Variants in NCOA3 observed in about 807,000 individuals in gnomAD.
NCOA3 encodes nuclear receptor coactivator 3.
Under a neutral mutation model 158.8 loss-of-function variants are expected in NCOA3, and 51 were observed. The ratio of observed to expected loss-of-function variants is 0.32; its 90% CI spans 0.26 to 0.41. The LOEUF (loss-of-function observed/expected upper bound fraction) is 0.41. Ranked by LOEUF, NCOA3 falls within the 10% of genes least tolerant of loss-of-function variation. The pLI is 1.00. For missense variants in NCOA3, 1,510 were observed against 1,746.6 expected (o/e 0.86, Z 2.41); for synonymous variants, 537 against 592.4 (o/e 0.91, Z 1.36).
rs972236713 is a variant in NCOA3, at chr20:47,636,319, A to G, written c.1933A>G (p.Ser645Gly). ...SSLTNSPLDS[S>G]CKESSVSVTS... is the part of the protein sequence containing the mutation. ...CTTGACCAACTCCCCCCTAGATTCA[A>G]GTTGTAAAGAATCTTCTGTTAGTGT... The change falls in exon 12 of 23, where the codon AGT becomes GGT. Residue 645 changes from serine (S) to glycine (G), a missense_variant. This residue lies in a region of NCOA3 where 1,017 missense variants were observed against 1,098.3 expected (regional missense o/e 0.93). Coordinates refer to ENST00000371998, the MANE Select transcript of NCOA3 (RefSeq NM_181659.3). The G allele has an allele frequency of 8.1e-6, 13 of 1,613,992 alleles. No individual in the cohort carries two copies. In the Admixed American group the frequency reaches 1.2e-4, roughly 14 times the overall value.
At position 47,627,853 on chromosome 20, in the gene NCOA3, G is replaced by A. The variant is rs966068397; in HGVS notation, c.722-69G>A. On this transcript the variant is annotated intron_variant, in intron 7 of 22. Transcript: ENST00000371998. ...CCTTCTTACTGAATTCCATGTCTTT[G>A]CTTGCCTATTGAACATATATATCCA... 4 of 1,571,920 alleles carry A rather than the reference G, an allele frequency of 2.5e-6. No individual in the cohort carries two copies. In the African/African-American group the frequency reaches 5.4e-5, roughly 21 times the overall value.
Position 47,651,041 on chromosome 20 carries a change from C to A in NCOA3, c.3711C>A (p.His1237Gln), listed in dbSNP as rs2086779337. Residue 1237 changes from histidine to glutamine, a missense_variant, in exon 20 of 23, where the codon CAC (histidine) becomes CAA (glutamine). Around this residue, in one of 4 missense-constraint regions of NCOA3, gnomAD observed 1,017 missense variants for 1,098.3 expected, o/e 0.93. Transcript: ENST00000371998. ...GCAGCAGAGAGCTGCTAAGTCATCA[C>A]TTCCGACAACAGAGGGTGGCTATGA... The part of the protein sequence containing the change: ...AQRSRELLSH[H>Q]FRQQRVAMMM... 1.9e-6 allele frequency: 3 copies of A among 1,614,060 alleles called. No homozygotes were observed. The highest frequency in any genetic ancestry group is 1.1e-5 in the South Asian group (1 of 91,062).
chr20:47,571,253 C>T (rs575256397), intron 1 of NCOA3, among the ~76,000 whole-genome samples: 1 of 151,906 alleles, frequency 6.6e-6, no homozygotes, highest in African/African-American at 2.4e-5. Flanking sequence ...GATCCACTCA[C>T]TTCAGCCTCC....
At chr20:47,534,456 G>A (rs1034907138) in intron 1 of NCOA3, among the ~76,000 whole-genome samples, 2 of 152,070 alleles carry the variant, frequency 1.3e-5, no homozygotes, top group Non-Finnish European at 2.9e-5. Context: ...TCCTTTTACT[G>A]GATCATGCTG....
At chr20:47,504,858 AT>A (rs976659202) in intron 1 of NCOA3, among the ~76,000 whole-genome samples, 1 of 151,898 alleles carries the variant, frequency 6.6e-6, no homozygotes, top group Non-Finnish European at 1.5e-5. Flanking sequence ...GGAATAATTC[AT>A]TTTAACTTGG....
chr20:47,616,159 C>CA (rs1466449058), intron 2 of NCOA3, among the ~76,000 whole-genome samples: 1 of 138,918 alleles, frequency 7.2e-6, no homozygotes, highest in African/African-American at 2.6e-5. Context: ...CCCGCCCCGC[C>CA]AAAAAAAAGT....
chr20:47,514,320 T>C (rs1426671244), intron 1 of NCOA3, among the ~76,000 whole-genome samples: 1 of 152,140 alleles, frequency 6.6e-6, no homozygotes, highest in Non-Finnish European at 1.5e-5. Context: ...TTTCTACATA[T>C]CACAACAGTC....
chr20:47,622,764 G>A (rs1172821619), intron 3 of NCOA3, among the ~76,000 whole-genome samples: 2 of 152,216 alleles, frequency 1.3e-5, no homozygotes, highest in East Asian at 1.9e-4. Flanking sequence ...GATAGGCAGT[G>A]AGTTAGGAGC....
intron 1 of NCOA3, among the ~76,000 whole-genome samples, chr20:47,551,936 G>A (rs1344920570): frequency 6.6e-6 from 1 of 152,124 alleles, no homozygotes; most frequent in Non-Finnish European, 1.5e-5. Context: ...TAATTTTACT[G>A]TTGTTTTTTG....
At chr20:47,550,172 C>T (rs936848129) in intron 1 of NCOA3, among the ~76,000 whole-genome samples, 4 of 150,212 alleles carry the variant, frequency 2.7e-5, no homozygotes, top group African/African-American at 4.9e-5. Flanking sequence ...AGTCCAGGCG[C>T]GGTGGCTCAC....
chr20:47,647,406 G>T, intron 18 of NCOA3, 40 bp downstream of exon 18: 1 of 1,575,082 alleles, frequency 6.3e-7, no homozygotes, highest in Non-Finnish European at 8.7e-7. Context: ...TTCTCCTTCT[G>T]TTGTTTTCAG....
At chr20:47,569,240 G>C (rs534927867) in intron 1 of NCOA3, among the ~76,000 whole-genome samples, 3 of 152,086 alleles carry the variant, frequency 2.0e-5, no homozygotes, top group African/African-American at 7.2e-5. Flanking sequence ...CCAGCTACTC[G>C]GGAGGCTGAG....
At chr20:47,601,892 A>T (rs888119431) in intron 2 of NCOA3, among the ~76,000 whole-genome samples, 5 of 152,212 alleles carry the variant, frequency 3.3e-5, no homozygotes, top group Non-Finnish European at 5.9e-5. Context: ...GACATTTATC[A>T]AGGATAACAG....
chr20:47,607,416 A>G (rs2085964858), intron 2 of NCOA3, among the ~76,000 whole-genome samples: 1 of 152,218 alleles, frequency 6.6e-6, no homozygotes, highest in African/African-American at 2.4e-5. Context: ...CTGTATAACA[A>G]GCCTTACTGT....
chr20:47,602,057 A>G (rs2085873258), intron 2 of NCOA3, among the ~76,000 whole-genome samples: 1 of 152,248 alleles, frequency 6.6e-6, no homozygotes, highest in Admixed American at 6.5e-5. Flanking sequence ...TAATGAGCTC[A>G]ATATATTAAA....
chr20:47,648,845 C>A (rs1416780618), intron 18 of NCOA3, among the ~76,000 whole-genome samples, 160 bp from the exon 19 acceptor site: 1 of 152,204 alleles, frequency 6.6e-6, no homozygotes, highest in Non-Finnish European at 1.5e-5. Context: ...TCAACATTGA[C>A]CTTTTTGCAG....
chr20:47,560,978 T>C (rs1477199713), intron 1 of NCOA3, among the ~76,000 whole-genome samples: 1 of 147,252 alleles, frequency 6.8e-6, no homozygotes, highest in Non-Finnish European at 1.5e-5. Flanking sequence ...CTTTTTTTTT[T>C]TTTTTTTTTT....
chr20:47,587,999 A>G lies in NCOA3; in HGVS notation c.-20+4738A>G, dbSNP rs140944150. Among the ~76,000 whole-genome samples, 726 of 152,292 alleles carry G rather than the reference A, an allele frequency of 4.8e-3. 7 individuals are homozygous for G. Among genetic ancestry groups the G allele is most frequent in the African/African-American group, 0.016 (678 of 41,554 alleles). ...GAATTGGTTTTTTCATTTCACTGCA[A>G]TAAACAAACTGAAAATGAGTGGAGC... On this transcript the variant is annotated intron_variant, in intron 2 of 22. Coordinates refer to ENST00000371998, the MANE Select transcript of NCOA3 (RefSeq NM_181659.3).
chr20:47,580,157 G>A (rs981018989), intron 1 of NCOA3, among the ~76,000 whole-genome samples: 2 of 152,086 alleles, frequency 1.3e-5, no homozygotes, highest in African/African-American at 4.8e-5. Flanking sequence ...TGAGAAGTAC[G>A]AAGACCAGCA....
Sources: gnomAD v4.1 joint callset for allele counts (sites outside exome capture counted in the v4.1 genomes callset) on GRCh38, gnomAD v4.1.1 for gene constraint, gnomAD v4.1.1 regional missense constraint, MANE v1.5 for transcripts, NCBI Gene and HGNC (gene_info 2026-07-23, HGNC 2026-07-21) for gene names.